Variants in NTNG1 observed in about 807,000 individuals in gnomAD.
NTNG1 encodes netrin-G1.
A neutral mutation model predicts 54.0 loss-of-function variants in NTNG1; 16 were observed. That is an observed-to-expected ratio of 0.30 (90% CI 0.20 to 0.45). The LOEUF is 0.45. NTNG1 is among the 20% of genes least tolerant of loss of function. NTNG1 has a pLI of 1.00. For synonymous variants in NTNG1, 255 were observed against 263.1 expected (o/e 0.97, Z 0.30); for missense variants, 530 against 678.7 (o/e 0.78, Z 2.43).
Position 107,148,493 on chromosome 1 carries a change from G to A in NTNG1, c.-101G>A, listed in dbSNP as rs1295094066. On this transcript the variant is annotated 5_prime_UTR_variant, in exon 2 of 8. Transcript: ENST00000370068. The stretch of plus-strand genomic sequence containing the variant: ...AATACAGAGACCTACCTACCCGTAC[G>A]CATACATACATATGTGTATATATAT... 3.0e-5 allele frequency: 32 copies of A among 1,077,880 alleles called. No homozygotes were observed. The South Asian group carries it at 4.3e-4, about 15-fold the overall frequency. The allele number at this position is 1,077,880 out of a possible 1,614,324, so 66.8% of individuals were successfully genotyped here. A position where few individuals can be genotyped will look rare whatever the true frequency, so the allele number is the denominator to read the frequency against.
At chr1:107,208,548 C>T (rs1200892196) in intron 2 of NTNG1, among the ~76,000 whole-genome samples, 3 of 152,096 alleles carry the variant, frequency 2.0e-5, no homozygotes, top group Non-Finnish European at 2.9e-5. Context: ...ACACCTACGC[C>T]CCATGTCTCA....
At chr1:107,297,187 A>G (rs551368505) in intron 2 of NTNG1, among the ~76,000 whole-genome samples, 4 of 144,406 alleles carry the variant, frequency 2.8e-5, no homozygotes, top group African/African-American at 7.6e-5. Flanking sequence ...ATAACATCAT[A>G]TATATATAAC....
At chr1:107,386,377 T>A (rs1672001387) in intron 3 of NTNG1, among the ~76,000 whole-genome samples, 1 of 151,940 alleles carries the variant, frequency 6.6e-6, no homozygotes, top group Non-Finnish European at 1.5e-5. Context: ...TTTCGCCATG[T>A]TGGCCAGGCT....
intron 2 of NTNG1, among the ~76,000 whole-genome samples, chr1:107,217,315 C>T (rs1171646897): frequency 6.6e-6 from 1 of 152,042 alleles, no homozygotes; most frequent in Non-Finnish European, 1.5e-5. Context: ...TCTAATTGAG[C>T]TTATTTGAAT....
At chr1:107,480,500 C>T in intron 7 of NTNG1, 111 bp from the exon 8 acceptor site, 2 of 684,932 alleles carry the variant, frequency 2.9e-6, no homozygotes, top group Non-Finnish European at 4.9e-6. Context: ...GCACAAAGAT[C>T]GATAGAGATT....
rs553751212 is a variant in NTNG1 at position 107,352,342 on chromosome 1, T to C, written c.887+27420T>C. 5.3e-5 allele frequency among the ~76,000 whole-genome samples: 8 copies of C among 152,160 alleles called. No individual in the cohort carries two copies. The East Asian group carries it at 1.5e-3, about 29-fold the overall frequency. On this transcript the variant is annotated intron_variant, in intron 3 of 7. Coordinates refer to ENST00000370068, the MANE Select transcript of NTNG1 (RefSeq NM_001113226.3). Reference sequence around the variant, plus strand: ...GGCTTCTGCCTGGACATTCAGGCTTTTCCATATATCCTCTGAAATCTAGGC... The same window carrying C: ...GGCTTCTGCCTGGACATTCAGGCTTCTCCATATATCCTCTGAAATCTAGGC...
chr1:107,229,249 A>G (rs1405456740), intron 2 of NTNG1, among the ~76,000 whole-genome samples: 1 of 150,860 alleles, frequency 6.6e-6, no homozygotes, highest in Non-Finnish European at 1.5e-5. Context: ...CAATATGTAC[A>G]TGTCCCTCAG....
At chr1:107,232,369 TC>T (rs1178113308) in intron 2 of NTNG1, among the ~76,000 whole-genome samples, 1 of 152,188 alleles carries the variant, frequency 6.6e-6, no homozygotes, top group Non-Finnish European at 1.5e-5. Context: ...ACCTTTCCCT[TC>T]TTCCATGGAA....
intron 2 of NTNG1, among the ~76,000 whole-genome samples, chr1:107,199,258 C>A (rs929383740): frequency 7.3e-6 from 1 of 136,668 alleles, no homozygotes; most frequent in African/African-American, 2.8e-5. Context: ...AGCCAGATCT[C>A]TTCACCAATT....
At chr1:107,193,639 T>C (rs1238625559) in intron 2 of NTNG1, among the ~76,000 whole-genome samples, 1 of 151,964 alleles carries the variant, frequency 6.6e-6, no homozygotes, top group African/African-American at 2.4e-5. Context: ...TTAGGTGACT[T>C]GCCTAAGAGG....
chr1:107,147,761 A>G (rs1261296797), intron 1 of NTNG1, among the ~76,000 whole-genome samples: 2 of 152,162 alleles, frequency 1.3e-5, no homozygotes. Context: ...TGTATGAGAA[A>G]TGTTCAAATC....
intron 2 of NTNG1, among the ~76,000 whole-genome samples, chr1:107,263,329 C>CTTCCTTCT (rs1404991907): frequency 1.5e-5 from 2 of 133,456 alleles, no homozygotes; most frequent in African/African-American, 5.6e-5. Context: ...TCCTTCTTTC[C>CTTCCTTCT]TTCCTTCCTT....
intron 2 of NTNG1, among the ~76,000 whole-genome samples, chr1:107,169,809 A>T (rs890897867): frequency 2.6e-5 from 4 of 152,148 alleles, no homozygotes; most frequent in East Asian, 1.9e-4. Flanking sequence ...CTAGTAGGAG[A>T]TGTACATTAA....
At chr1:107,162,652 A>G (rs986354660) in intron 2 of NTNG1, among the ~76,000 whole-genome samples, 3 of 152,182 alleles carry the variant, frequency 2.0e-5, no homozygotes, top group African/African-American at 7.2e-5. Context: ...AACTTTACAC[A>G]GGGGGCAACA....
At chr1:107,280,033 T>TGGTG (rs1664728211) in intron 2 of NTNG1, among the ~76,000 whole-genome samples, 2 of 79,306 alleles carry the variant, frequency 2.5e-5, no homozygotes, top group African/African-American at 4.4e-5. Context: ...GTTCCTTTGT[T>TGGTG]GGTGTGTGTG....
At chr1:107,420,382 A>C (rs1674496604) in intron 5 of NTNG1, among the ~76,000 whole-genome samples, 1 of 152,038 alleles carries the variant, frequency 6.6e-6, no homozygotes, top group Non-Finnish European at 1.5e-5. Context: ...ATGCAGCCAT[A>C]ATTTATCTTG....
At chr1:107,219,618 C>T (rs1035114877) in intron 2 of NTNG1, among the ~76,000 whole-genome samples, 4 of 152,164 alleles carry the variant, frequency 2.6e-5, no homozygotes, top group African/African-American at 9.7e-5. Context: ...TAATGTGGTG[C>T]TCTCCCCTTT....
At chr1:107,366,456 A>G (rs1388791545) in intron 3 of NTNG1, among the ~76,000 whole-genome samples, 2 of 152,344 alleles carry the variant, frequency 1.3e-5, no homozygotes, top group African/African-American at 4.8e-5. Flanking sequence ...AGAGACCTGG[A>G]AATTCGTAGC....
chr1:107,267,999 C>T (rs1663868428), intron 2 of NTNG1, among the ~76,000 whole-genome samples: 1 of 152,228 alleles, frequency 6.6e-6, no homozygotes, highest in South Asian at 2.1e-4. Context: ...AACCTTCCTT[C>T]ACATACTCAA....
Sources: gnomAD v4.1 joint callset for allele counts (sites outside exome capture counted in the v4.1 genomes callset) on GRCh38, gnomAD v4.1.1 for gene constraint, MANE v1.5 for transcripts, NCBI Gene and HGNC (gene_info 2026-07-23, HGNC 2026-07-21) for gene names.